The following RIT2 variants were observed in gnomAD, a reference collection of about 807,000 sequenced individuals.
RIT2 encodes the protein Ras like without CAAX 2, also known as GTP-binding protein Rit2.
In RIT2, 24 loss-of-function variants were observed where a neutral mutation model predicts 23.7. That is an observed-to-expected ratio of 1.01 (90% CI 0.73 to 1.43). RIT2 has a LOEUF of 1.43. Among genes scored for constraint, RIT2 ranks in the 40% most tolerant of loss-of-function variants. RIT2 has a pLI of 0.00. For missense variants in RIT2, 236 were observed against 266.9 expected, an observed-to-expected ratio of 0.88 and a Z score of 0.81; for synonymous variants, 107 against 91.1, an observed-to-expected ratio of 1.17 and a Z score of -0.99.
intron 1 of RIT2, among the ~76,000 whole-genome samples, chr18:43,039,967 G>T (rs1912089073): frequency 6.6e-6 from 1 of 152,148 alleles, no homozygotes; most frequent in South Asian, 2.1e-4. Context: ...CTATGCATCA[G>T]ATTATTTCAA....
chr18:43,069,735 C>G (rs899519770), intron 1 of RIT2, among the ~76,000 whole-genome samples: 2 of 152,108 alleles, frequency 1.3e-5, no homozygotes, highest in Non-Finnish European at 2.9e-5. Flanking sequence ...GGTTTGGTCC[C>G]TACTGCATCT....
intron 1 of RIT2, among the ~76,000 whole-genome samples, chr18:43,067,271 A>G (rs1912792532): frequency 6.6e-6 from 1 of 152,142 alleles, no homozygotes; most frequent in Non-Finnish European, 1.5e-5. Flanking sequence ...ATATATATCA[A>G]TTGAAAACAA....
intron 1 of RIT2, among the ~76,000 whole-genome samples, chr18:43,039,760 T>C (rs972774448): frequency 3.9e-5 from 6 of 152,190 alleles, no homozygotes; most frequent in African/African-American, 1.2e-4. Context: ...TATGGAGAAA[T>C]TCAGATTCAA....
At chr18:42,805,731 C>G (rs1203164172) in intron 4 of RIT2, among the ~76,000 whole-genome samples, 1 of 152,078 alleles carries the variant, frequency 6.6e-6, no homozygotes, top group East Asian at 1.9e-4. Flanking sequence ...TAAGACAAAT[C>G]TTTATGTGTA....
intron 4 of RIT2, among the ~76,000 whole-genome samples, chr18:42,855,072 G>A (rs1226378102): frequency 2.0e-5 from 3 of 152,066 alleles, no homozygotes; most frequent in Non-Finnish European, 4.4e-5. Flanking sequence ...TCTAAATCAG[G>A]TGGGAAATCA....
At chr18:43,040,695 A>G (rs1377176323) in intron 1 of RIT2, among the ~76,000 whole-genome samples, 3 of 152,216 alleles carry the variant, frequency 2.0e-5, no homozygotes, top group African/African-American at 7.2e-5. Flanking sequence ...ATGGGGGTGC[A>G]TGTTAGGAAG....
chr18:42,794,558 A>G (rs1022975856), intron 4 of RIT2, among the ~76,000 whole-genome samples: 16 of 152,198 alleles, frequency 1.1e-4, no homozygotes, highest in Admixed American at 5.2e-4. Context: ...ATGAGCTTAC[A>G]TTTTTTAAGG....
rs142086230 is a variant in RIT2, at chr18:43,099,461, T to C, written c.103+15956A>G. Among the ~76,000 whole-genome samples the C allele has an allele frequency of 1.4e-3, 208 of 152,230 alleles. 1 individual carries two copies. The highest frequency in any genetic ancestry group is 2.4e-3 in the Non-Finnish European group (164 of 67,976). On this transcript the variant is annotated intron_variant, in intron 1 of 4. Coordinates refer to ENST00000326695, the MANE Select transcript of RIT2 (RefSeq NM_002930.4). The stretch of plus-strand genomic sequence containing the variant: ...CCTTAACTGTCAGTCATTTTATTAA[T>C]ATAAACTATCAGTCTTTTTGTTAAT...
At chr18:42,751,244 C>T (rs931935167) in intron 4 of RIT2, among the ~76,000 whole-genome samples, 1 of 151,692 alleles carries the variant, frequency 6.6e-6, no homozygotes, top group Non-Finnish European at 1.5e-5. Flanking sequence ...GGTAATTTTT[C>T]TTTAAGAAGA....
intron 4 of RIT2, among the ~76,000 whole-genome samples, chr18:42,805,814 C>T (rs924359496): frequency 2.0e-5 from 3 of 152,090 alleles, no homozygotes; most frequent in Non-Finnish European, 2.9e-5. Flanking sequence ...AACTTTATTG[C>T]TGACTACAAA....
chr18:42,948,929 C>G, intron 3 of RIT2: 1 of 397,094 alleles, frequency 2.5e-6, no homozygotes, highest in Non-Finnish European at 4.4e-6. Context: ...CACCTAGGAG[C>G]TTAGAATTCT....
At chr18:43,026,573 T>TAAGAAAGA (rs199513808) in intron 2 of RIT2, among the ~76,000 whole-genome samples, 1,912 of 77,288 alleles carry the variant, frequency 0.025, 40 homozygotes, top group East Asian at 0.044. Context: ...AAGAAATAAA[T>TAAGAAAGA]AAGAAAGAAA....
intron 1 of RIT2, among the ~76,000 whole-genome samples, chr18:43,057,732 T>C (rs778327079): frequency 6.6e-6 from 1 of 151,366 alleles, no homozygotes; most frequent in Non-Finnish European, 1.5e-5. Context: ...GAACATCAAA[T>C]AATTATGGGG....
chr18:42,907,091 G>GT (rs1454180077), intron 4 of RIT2, among the ~76,000 whole-genome samples: 3 of 152,130 alleles, frequency 2.0e-5, no homozygotes, highest in African/African-American at 4.8e-5. Flanking sequence ...TGTATCTACT[G>GT]TTTTTTTAAG....
chr18:42,862,074 T>G (rs1273956439), intron 4 of RIT2, among the ~76,000 whole-genome samples: 1 of 152,162 alleles, frequency 6.6e-6, no homozygotes, highest in African/African-American at 2.4e-5. Context: ...TTTTTAAAAA[T>G]TAATAATTGA....
At chr18:43,100,629 G>C (rs1325560926) in intron 1 of RIT2, among the ~76,000 whole-genome samples, 2 of 151,882 alleles carry the variant, frequency 1.3e-5, no homozygotes, top group Admixed American at 6.6e-5. Context: ...ACTGAGTTTT[G>C]AAAAAAGGAC....
In RIT2 at chr18:42,743,629, G is replaced by A; in HGVS notation, c.518C>T (p.Ala173Val). 6.2e-7 allele frequency: 1 copy of A among 1,613,980 alleles called. No homozygotes were observed. The highest frequency in any genetic ancestry group is 8.5e-7 in the Non-Finnish European group (1 of 1,179,952). ...SAALRFCIDDAFHGLVREIRK... is the reference protein window; with the variant it reads ...SAALRFCIDDVFHGLVREIRK... ...AATTTCCCTCACTAAGCCATGAAAAGCATCATCAATACAGAATCTGAGGGC... is the reference window on the plus strand; with the variant it reads ...AATTTCCCTCACTAAGCCATGAAAAACATCATCAATACAGAATCTGAGGGC... Residue 173 changes from alanine to valine, a missense_variant, in exon 5 of 5, where the codon GCT (alanine) becomes GTT (valine). Physicochemically the swap from Ala to Val is moderately conservative, Grantham distance 64. Transcript: ENST00000326695.
chr18:43,071,146 A>G (rs372546220), intron 1 of RIT2, among the ~76,000 whole-genome samples: 1 of 152,190 alleles, frequency 6.6e-6, no homozygotes, highest in African/African-American at 2.4e-5. Context: ...AGCAAGGGAA[A>G]TTTTTAATTG....
chr18:42,798,253 C>T (rs1045751566), intron 4 of RIT2, among the ~76,000 whole-genome samples: 1 of 152,134 alleles, frequency 6.6e-6, no homozygotes, highest in Non-Finnish European at 1.5e-5. Flanking sequence ...GAACAATTAT[C>T]TCAAGAAGTT....
Sources: gnomAD v4.1 joint callset for allele counts (sites outside exome capture counted in the v4.1 genomes callset) on GRCh38, gnomAD v4.1.1 for gene constraint, MANE v1.5 for transcripts, NCBI Gene and HGNC (gene_info 2026-07-23, HGNC 2026-07-21) for gene names.